The following CACNA1A variants were observed in gnomAD, a reference collection of about 807,000 sequenced individuals.
The protein encoded by CACNA1A is voltage-dependent P/Q-type calcium channel subunit alpha-1A.
In CACNA1A, 57 loss-of-function variants were observed where a neutral mutation model predicts 262.4. The ratio of observed to expected loss-of-function variants is 0.22; its 90% CI spans 0.18 to 0.27. The LOEUF is 0.27. Ranked by LOEUF, CACNA1A falls within the 10% of genes least tolerant of loss-of-function variation. The pLI, the probability that CACNA1A is intolerant of heterozygous loss-of-function variation, is 1.00. For missense variants in CACNA1A, 2,526 were observed against 3,562.8 expected (o/e 0.71, Z 7.41); for synonymous variants, 1,431 against 1,419.3 (o/e 1.01, Z -0.18).
At chr19:13,475,273 T>G (rs1978386677) in intron 1 of CACNA1A, among the ~76,000 whole-genome samples, 1 of 152,222 alleles carries the variant, frequency 6.6e-6, no homozygotes, top group African/African-American at 2.4e-5. Flanking sequence ...CAGATCTCAG[T>G]GGTTGAACAC....
rs1373202601 is a variant in CACNA1A at position 13,453,026 on chromosome 19, G to A, written c.400-11C>T. On this transcript the variant is annotated splice_polypyrimidine_tract_variant and intron_variant, in intron 2 of 46. Coordinates refer to ENST00000360228, the MANE Select transcript of CACNA1A (RefSeq NM_001127222.2). ...TGGTTCTGTGTCATCCTGGAAGGGAGAGAAGGCAAGGTCAGCGTCTTGGGC... is the reference window on the plus strand; with the variant it reads ...TGGTTCTGTGTCATCCTGGAAGGGAAAGAAGGCAAGGTCAGCGTCTTGGGC... 2 of 1,613,890 alleles carry A rather than the reference G, an allele frequency of 1.2e-6. No homozygotes were observed. Among genetic ancestry groups the A allele is most frequent in the African/African-American group, 2.7e-5 (2 of 75,042 alleles).
chr19:13,219,814 G>A (rs998347211), intron 38 of CACNA1A, among the ~76,000 whole-genome samples: 2 of 152,096 alleles, frequency 1.3e-5, no homozygotes, highest in Middle Eastern at 3.4e-3. Flanking sequence ...TTATCCGGGC[G>A]TGGTGGCACG....
intron 23 of CACNA1A, 63 bp downstream of exon 23, chr19:13,277,006 C>A: frequency 9.2e-7 from 1 of 1,087,760 alleles, no homozygotes. Context: ...TCCACTGTGC[C>A]CAGCCCTGCA....
rs767634710 is a variant in CACNA1A, at chr19:13,236,284, C to T, written c.4951-554G>A. 3.9e-4 allele frequency among the ~76,000 whole-genome samples: 60 copies of T among 152,280 alleles called. No individual in the cohort carries two copies. Among genetic ancestry groups the T allele is most frequent in the Non-Finnish European group, 5.9e-4 (40 of 68,014 alleles). On this transcript the variant is annotated intron_variant, in intron 31 of 46. Transcript: ENST00000360228. The surrounding 1 kb of genome is among the most constrained non-coding windows in gnomAD (Gnocchi z 4.6). ...ATGTGCGGGTTCCGAGGGCATGTTA[C>T]GCTCCGGGCCAGAAATGCATCTGTC...
intron 4 of CACNA1A, 81 bp from the exon 5 acceptor site, chr19:13,365,550 CCAGA>C (rs773086131): frequency 3.8e-5 from 49 of 1,300,594 alleles, no homozygotes; most frequent in Non-Finnish European, 5.0e-5. Context: ...CAGGTCTCTC[CCAGA>C]CAAAGCAGGT....
rs528740372 is a variant in CACNA1A at position 13,457,857 on chromosome 19, A to G, written c.294-2645T>C. 4.3e-3 allele frequency among the ~76,000 whole-genome samples: 624 copies of G among 145,398 alleles called. 3 individuals carry two copies. Among genetic ancestry groups the G allele is most frequent in the African/African-American group, 0.017 (594 of 35,510 alleles). ...AACAAAAGCAAAACTCCGTTTCAAAAAAAAAAAAAAAAAAGGAATGAAGTA... is the reference window on the plus strand; with the variant it reads ...AACAAAAGCAAAACTCCGTTTCAAAGAAAAAAAAAAAAAAGGAATGAAGTA... On this transcript the variant is annotated intron_variant, in intron 1 of 46. Coordinates refer to ENST00000360228, the MANE Select transcript of CACNA1A (RefSeq NM_001127222.2).
chr19:13,270,496 A>G (rs895003266), intron 24 of CACNA1A, among the ~76,000 whole-genome samples: 1 of 152,084 alleles, frequency 6.6e-6, no homozygotes, highest in African/African-American at 2.4e-5. Context: ...ACTATCCGAT[A>G]ACAAGGAAAG....
chr19:13,358,084 T>A (rs1436547268), intron 6 of CACNA1A, among the ~76,000 whole-genome samples: 1 of 152,194 alleles, frequency 6.6e-6, no homozygotes, highest in Non-Finnish European at 1.5e-5. Context: ...ATCCCACTTC[T>A]GGGAATGGAG....
intron 10 of CACNA1A, among the ~76,000 whole-genome samples, chr19:13,323,687 T>C (rs1270944004): frequency 1.3e-5 from 2 of 152,218 alleles, no homozygotes; most frequent in Admixed American, 6.5e-5. Context: ...TCAGATGTAT[T>C]GTTTGCAAAC....
chr19:13,277,135 G>C lies in CACNA1A; in HGVS notation c.3823-7C>G, dbSNP rs773263190. On this transcript the variant is annotated splice_region_variant and splice_polypyrimidine_tract_variant and intron_variant, in intron 22 of 46. Coordinates refer to ENST00000360228, the MANE Select transcript of CACNA1A (RefSeq NM_001127222.2). The stretch of plus-strand genomic sequence containing the variant: ...AGTCAAAGTATCGCAGCACCTGTAA[G>C]GGATAAAAGCAAGAGAGCAGTGGAT... The C allele has an allele frequency of 6.2e-7, 1 of 1,608,392 alleles. No homozygotes were observed. The highest frequency in any genetic ancestry group is 1.1e-5 in the South Asian group (1 of 90,896).
At position 13,298,670 on chromosome 19, in the gene CACNA1A, C is replaced by T. The variant is rs1271411894; in HGVS notation, c.2963G>A (p.Gly988Asp). Reference sequence around the variant, plus strand: ...GGGGCCCTCGCCCTCGCCCTCGCCGCCCCGGGCCGGCCGGCTGCCCTCGCG... The same window carrying T: ...GGGGCCCTCGCCCTCGCCCTCGCCGTCCCGGGCCGGCCGGCTGCCCTCGCG... ...RHREGSRPAR[G>D]GEGEGEGPDG... Residue 988 changes from glycine to aspartate, a missense_variant, in exon 19 of 47, where the codon GGC becomes GAC. By Grantham distance (94) the Gly-to-Asp change is moderately conservative. Around this residue, in one of 17 missense-constraint regions of CACNA1A, gnomAD observed 765 missense variants for 748.6 expected, o/e 1.02. Coordinates refer to ENST00000360228, the MANE Select transcript of CACNA1A (RefSeq NM_001127222.2). 8 of 1,484,986 alleles carry T rather than the reference C, an allele frequency of 5.4e-6. No individual in the cohort carries two copies. The African/African-American group carries it at 7.4e-5, about 14-fold the overall frequency. The allele number at this position is 1,484,986 out of a possible 1,614,324, so 92.0% of individuals were successfully genotyped here.
At chr19:13,256,028 T>TA (rs111632734) in intron 28 of CACNA1A, among the ~76,000 whole-genome samples, 24,842 of 142,448 alleles carry the variant, frequency 0.17, 2,494 homozygotes, top group Middle Eastern at 0.27. Flanking sequence ...GGGCTTGCTT[T>TA]GTCACCCAGG....
At chr19:13,287,420 G>A (rs2057429060) in intron 19 of CACNA1A, among the ~76,000 whole-genome samples, 1 of 152,194 alleles carries the variant, frequency 6.6e-6, no homozygotes, top group Non-Finnish European at 1.5e-5. Flanking sequence ...GATCCCTGCA[G>A]TGCCTGGAAT....
At chr19:13,504,316 C>G (rs373658389) in intron 1 of CACNA1A, among the ~76,000 whole-genome samples, 2 of 152,170 alleles carry the variant, frequency 1.3e-5, no homozygotes, top group Non-Finnish European at 2.9e-5. Context: ...AGACCTGGCA[C>G]CTGCTTTGGG....
intron 3 of CACNA1A, among the ~76,000 whole-genome samples, chr19:13,378,645 CATTT>C (rs148141236): frequency 0.41 from 61,663 of 148,914 alleles, 13,099 homozygotes; most frequent in Middle Eastern, 0.47. Flanking sequence ...AGTAATAAAA[CATTT>C]ATTTATTTAT....
intron 3 of CACNA1A, among the ~76,000 whole-genome samples, chr19:13,435,755 G>A (rs1001936325): frequency 4.6e-5 from 7 of 152,112 alleles, no homozygotes; most frequent in African/African-American, 1.7e-4. Flanking sequence ...CTGACTGCAG[G>A]GTCCAGCTCC....
chr19:13,377,106 C>T (rs2059433294), intron 3 of CACNA1A, among the ~76,000 whole-genome samples: 1 of 151,356 alleles, frequency 6.6e-6, no homozygotes. Flanking sequence ...ATTACAGGCA[C>T]CTGCTACCAT....
chr19:13,371,607 C>T (rs2059324166), intron 4 of CACNA1A, 81 bp downstream of exon 4: 1 of 1,024,522 alleles, frequency 9.8e-7, no homozygotes, highest in African/African-American at 1.6e-5. Context: ...ATGTGGCCTC[C>T]TGAGATGCTC....
chr19:13,299,429 C>T, intron 18 of CACNA1A, 76 bp from the exon 19 acceptor site: 1 of 1,233,682 alleles, frequency 8.1e-7, no homozygotes, highest in Middle Eastern at 1.9e-4. Context: ...GCGAACCAAC[C>T]CACATCTCAG....
Sources: gnomAD v4.1 joint callset for allele counts (sites outside exome capture counted in the v4.1 genomes callset) on GRCh38, gnomAD v4.1.1 for gene constraint, gnomAD v4.1.1 regional missense constraint, Gnocchi (gnomAD v3.1) non-coding constraint, MANE v1.5 for transcripts, NCBI Gene and HGNC (gene_info 2026-07-23, HGNC 2026-07-21) for gene names.